EPHA6: variants seen among roughly 807,000 people sequenced by gnomAD.
EPHA6 encodes the protein EPH receptor A6.
In EPHA6, 50 loss-of-function variants were observed where a neutral mutation model predicts 112.0. The observed-to-expected ratio is 0.45, with a 90% CI of 0.36 to 0.56. The LOEUF is 0.56. Ranked by LOEUF, EPHA6 falls within the 20% of genes least tolerant of loss-of-function variation. EPHA6 has a pLI of 0.00. For missense variants in EPHA6, 1,280 were observed against 1,417.4 expected (o/e 0.90, Z 1.56); for synonymous variants, 529 against 490.7 (o/e 1.08, Z -1.03).
chr3:97,555,462 G>A (rs1186654575), intron 11 of EPHA6, among the ~76,000 whole-genome samples: 1 of 152,108 alleles, frequency 6.6e-6, no homozygotes, highest in Non-Finnish European at 1.5e-5. Flanking sequence ...GGATAGCTGG[G>A]TCAAATGGTA....
chr3:97,383,431 T>C (rs920887509), intron 5 of EPHA6, among the ~76,000 whole-genome samples: 4 of 152,114 alleles, frequency 2.6e-5, no homozygotes, highest in Admixed American at 2.6e-4. Context: ...TAATATTCAT[T>C]GAAAACATGC....
At chr3:97,558,501 T>A (rs1454658930) in intron 11 of EPHA6, among the ~76,000 whole-genome samples, 1 of 152,050 alleles carries the variant, frequency 6.6e-6, no homozygotes, top group Non-Finnish European at 1.5e-5. Flanking sequence ...CTCCCAATGC[T>A]ATGAGTGTTT....
At chr3:97,111,039 G>T (rs149841093) in intron 3 of EPHA6, among the ~76,000 whole-genome samples, 37 of 152,136 alleles carry the variant, frequency 2.4e-4, no homozygotes, top group African/African-American at 8.7e-4. Context: ...TTTAGGAAAA[G>T]GTTTAAAAAG....
chr3:97,415,620 C>T (rs575412759), intron 6 of EPHA6, among the ~76,000 whole-genome samples: 14 of 152,158 alleles, frequency 9.2e-5, no homozygotes, highest in Admixed American at 2.6e-4. Context: ...CAGTTTTTTA[C>T]AGTCTGTATC....
intron 1 of EPHA6, among the ~76,000 whole-genome samples, chr3:96,845,823 A>G (rs1216762301): frequency 1.3e-5 from 2 of 151,940 alleles, no homozygotes; most frequent in African/African-American, 4.8e-5. Context: ...TTGCAATTAT[A>G]GGTCCGGGAT....
In EPHA6 at chr3:97,507,896, T is replaced by A. The variant is rs545325622; in HGVS notation, c.2200+23837T>A. 4.6e-3 allele frequency among the ~76,000 whole-genome samples: 697 copies of A among 152,276 alleles called. 6 individuals are homozygous for A. Among genetic ancestry groups the A allele is most frequent in the African/African-American group, 0.016 (675 of 41,554 alleles). ...TTCCTGGTTTAGCCTTGGGAGGGTG[T>A]ACGTGTCCAGGAATTTATCCATTTC... On this transcript the variant is annotated intron_variant, in intron 10 of 17. Coordinates refer to ENST00000389672, the MANE Select transcript of EPHA6 (RefSeq NM_001080448.3).
Position 96,815,109 on chromosome 3 carries a change from A to C in EPHA6, c.385+101A>C, listed in dbSNP as rs972467303. ...CTGCAGGTAACTTTGTACAGGGGTC[A>C]GAGTCTCCTGGCTCGCCACACGAGG... On this transcript the variant is annotated intron_variant, in intron 1 of 17. Transcript: ENST00000389672. The C allele has an allele frequency of 2.4e-5, 29 of 1,193,016 alleles. No individual in the cohort carries two copies. In the African/African-American group the frequency reaches 4.3e-4, roughly 18 times the overall value. The allele number at this position is 1,193,016 out of a possible 1,614,324, so 73.9% of individuals were successfully genotyped here.
chr3:97,631,666 G>T (rs1382597128), intron 13 of EPHA6, among the ~76,000 whole-genome samples: 3 of 151,860 alleles, frequency 2.0e-5, no homozygotes, highest in Non-Finnish European at 4.4e-5. Context: ...TTTGTTTATT[G>T]TAGGTACCCA....
intron 14 of EPHA6, among the ~76,000 whole-genome samples, chr3:97,671,613 T>A (rs951582937): frequency 1.3e-5 from 2 of 152,208 alleles, no homozygotes; most frequent in Non-Finnish European, 2.9e-5. Flanking sequence ...TATTACCTTA[T>A]TATTCTTTAA....
chr3:96,938,510 T>A (rs1459626954), intron 2 of EPHA6, among the ~76,000 whole-genome samples: 7 of 152,210 alleles, frequency 4.6e-5, no homozygotes, highest in Non-Finnish European at 1.0e-4. Flanking sequence ...GATTTTGTGC[T>A]GAGACAATGG....
chr3:97,673,731 G>T (rs2031086130), intron 14 of EPHA6, among the ~76,000 whole-genome samples: 1 of 152,162 alleles, frequency 6.6e-6, no homozygotes. Flanking sequence ...GAACCTATTT[G>T]TCCAGGACTC....
At chr3:97,425,899 G>T (rs1056415493) in intron 6 of EPHA6, among the ~76,000 whole-genome samples, 4 of 152,082 alleles carry the variant, frequency 2.6e-5, no homozygotes, top group Non-Finnish European at 5.9e-5. Flanking sequence ...CAGTTTCTTT[G>T]TACAGCAAGA....
intron 14 of EPHA6, among the ~76,000 whole-genome samples, chr3:97,659,581 A>G (rs769300303): frequency 1.3e-5 from 2 of 151,926 alleles, no homozygotes; most frequent in African/African-American, 2.4e-5. Context: ...AAACAGAGAG[A>G]TACAAACCCA....
chr3:97,199,752 CAAACA>C (rs1180040777), intron 3 of EPHA6, among the ~76,000 whole-genome samples: 1 of 152,096 alleles, frequency 6.6e-6, no homozygotes, highest in Non-Finnish European at 1.5e-5. Flanking sequence ...AACAAACAAA[CAAACA>C]AAACACTAAT....
intron 2 of EPHA6, among the ~76,000 whole-genome samples, chr3:96,914,354 G>GT (rs2107611129): frequency 6.6e-6 from 1 of 152,138 alleles, no homozygotes; most frequent in East Asian, 1.9e-4. Flanking sequence ...ATATTTTTAA[G>GT]TAAAAAATAT....
chr3:97,260,688 A>C (rs370787376), intron 5 of EPHA6, among the ~76,000 whole-genome samples: 1 of 152,328 alleles, frequency 6.6e-6, no homozygotes, highest in South Asian at 2.1e-4. Flanking sequence ...ATTAGGGTAG[A>C]ATACAGTTGT....
intron 3 of EPHA6, among the ~76,000 whole-genome samples, chr3:97,012,348 ACT>A (rs2044117117): frequency 6.6e-6 from 1 of 150,774 alleles, no homozygotes; most frequent in African/African-American, 2.4e-5. Context: ...ACAGGGTCTG[ACT>A]CTGTCACCCA....
intron 6 of EPHA6, among the ~76,000 whole-genome samples, chr3:97,428,015 A>T (rs912784322): frequency 6.6e-6 from 1 of 152,118 alleles, no homozygotes; most frequent in African/African-American, 2.4e-5. Context: ...CACACAATTT[A>T]TGTAACAAAC....
chr3:97,682,130 T>C (rs542364711), intron 14 of EPHA6, among the ~76,000 whole-genome samples: 8 of 152,176 alleles, frequency 5.3e-5, no homozygotes, highest in African/African-American at 1.9e-4. Context: ...CCCATCTAAT[T>C]AAGTAATTAA....
Sources: allele counts gnomAD v4.1 joint callset (sites outside exome capture counted in the v4.1 genomes callset), GRCh38; gene constraint gnomAD v4.1.1; transcripts MANE v1.5; gene names NCBI Gene and HGNC (gene_info 2026-07-23, HGNC 2026-07-21).